GRID2: variants seen among roughly 807,000 people sequenced by gnomAD.
The protein encoded by GRID2 is glutamate ionotropic receptor delta type subunit 2.
Under a neutral mutation model 114.8 loss-of-function variants are expected in GRID2, and 33 were observed. That is an observed-to-expected ratio of 0.29 (90% confidence interval 0.22 to 0.38). GRID2 has a LOEUF of 0.38. Ranked by LOEUF, GRID2 falls within the 10% of genes least tolerant of loss-of-function variation. The pLI, the probability that GRID2 is intolerant of heterozygous loss-of-function variation, is 1.00. For synonymous variants in GRID2, 505 were observed against 449.9 expected, an observed-to-expected ratio of 1.12 and a Z score of -1.55; for missense variants, 1,184 against 1,257.7, an observed-to-expected ratio of 0.94 and a Z score of 0.89.
intron 2 of GRID2, among the ~76,000 whole-genome samples, chr4:93,024,778 G>C (rs57982953): frequency 0.082 from 12,373 of 151,650 alleles, 728 homozygotes; most frequent in African/African-American, 0.16. Context: ...CTAATGCTCA[G>C]CCTCCCACTT....
At chr4:93,160,674 CTT>C (rs894927102) in intron 4 of GRID2, among the ~76,000 whole-genome samples, 8 of 151,742 alleles carry the variant, frequency 5.3e-5, no homozygotes, top group African/African-American at 1.9e-4. Context: ...TGTTAGCCCT[CTT>C]TAATGGGATA....
intron 2 of GRID2, among the ~76,000 whole-genome samples, chr4:92,704,122 C>CA (rs1287772823): frequency 1.3e-5 from 2 of 152,046 alleles, no homozygotes; most frequent in Non-Finnish European, 1.5e-5. Flanking sequence ...TTAAAAAATA[C>CA]AAAAAATTAG....
intron 1 of GRID2, among the ~76,000 whole-genome samples, chr4:92,579,019 A>G (rs1178251992): frequency 6.6e-6 from 1 of 152,102 alleles, no homozygotes; most frequent in Non-Finnish European, 1.5e-5. Flanking sequence ...AAACAACAAT[A>G]TTTTTTGAGT....
chr4:93,710,876 A>G (rs868260716), intron 14 of GRID2, among the ~76,000 whole-genome samples: 20 of 152,190 alleles, frequency 1.3e-4, no homozygotes, highest in Middle Eastern at 3.4e-3. Flanking sequence ...CCCCAGGCCC[A>G]TGGTGAGTAC....
intron 1 of GRID2, among the ~76,000 whole-genome samples, chr4:92,443,165 G>A (rs1330965253): frequency 6.6e-6 from 1 of 151,996 alleles, no homozygotes; most frequent in Non-Finnish European, 1.5e-5. Flanking sequence ...GACTAGGAAG[G>A]GACTGATGTG....
intron 1 of GRID2, 72 bp downstream of exon 1, chr4:92,304,816 C>G (rs1300241696): frequency 9.2e-7 from 1 of 1,083,938 alleles, no homozygotes; most frequent in East Asian, 2.4e-5. Context: ...CTTCGCTTTC[C>G]CCCTCTCCGG....
Position 93,213,092 on chromosome 4 carries a change from T to C in GRID2, c.790-3646T>C, listed in dbSNP as rs527831863. Among the ~76,000 whole-genome samples, 6 of 152,166 alleles carry C rather than the reference T, an allele frequency of 3.9e-5. No homozygotes were observed. In the South Asian group the frequency reaches 8.3e-4, roughly 21 times the overall value. On this transcript the variant is annotated intron_variant, in intron 5 of 15. Coordinates refer to ENST00000282020, the MANE Select transcript of GRID2 (RefSeq NM_001510.4). ...CTGGCCAGTTTGGGGGGTTTTGTTG[T>C]TGTTTTGAGATTTAAAAAGCCTATA...
At chr4:93,405,662 T>A (rs1766338746) in intron 9 of GRID2, among the ~76,000 whole-genome samples, 1 of 152,158 alleles carries the variant, frequency 6.6e-6, no homozygotes, top group Admixed American at 6.6e-5. Flanking sequence ...GTTAGAACAT[T>A]TCACAATATT....
intron 9 of GRID2, among the ~76,000 whole-genome samples, chr4:93,403,550 T>A (rs1229315017): frequency 6.6e-6 from 1 of 151,892 alleles, no homozygotes; most frequent in Non-Finnish European, 1.5e-5. Flanking sequence ...TTAAAAAAAA[T>A]TAAAATGGGC....
At chr4:93,539,713 G>A (rs918363684) in intron 13 of GRID2, among the ~76,000 whole-genome samples, 1 of 151,990 alleles carries the variant, frequency 6.6e-6, no homozygotes, top group Admixed American at 6.6e-5. Context: ...TATTGGTTGG[G>A]AGAATCCTTT....
chr4:92,622,510 G>A (rs1579704782), intron 2 of GRID2, among the ~76,000 whole-genome samples: 1 of 151,692 alleles, frequency 6.6e-6, no homozygotes, highest in Admixed American at 6.6e-5. Context: ...GGAAAATTAA[G>A]TGGTTTAACA....
At position 92,431,924 on chromosome 4, in the gene GRID2, G is replaced by T. The variant is rs572909105; in HGVS notation, c.88+127180G>T. Among the ~76,000 whole-genome samples the T allele has an allele frequency of 2.0e-5, 3 of 152,342 alleles. No individual in the cohort carries two copies. In the East Asian group the frequency reaches 5.8e-4, roughly 29 times the overall value. On this transcript the variant is annotated intron_variant, in intron 1 of 15. Coordinates refer to ENST00000282020, the MANE Select transcript of GRID2 (RefSeq NM_001510.4). ...ATTGCATGTTATAATCTAAGTCTTT[G>T]GTCATCACTGTAATTGTGTCTGCAT...
intron 2 of GRID2, among the ~76,000 whole-genome samples, chr4:92,917,765 G>C (rs1240353472): frequency 6.6e-6 from 1 of 152,156 alleles, no homozygotes; most frequent in East Asian, 1.9e-4. Context: ...TTGTAGTATA[G>C]TTTGAAGTCA....
intron 1 of GRID2, among the ~76,000 whole-genome samples, chr4:92,467,092 AAC>A (rs1188689886): frequency 6.6e-6 from 1 of 151,764 alleles, no homozygotes; most frequent in Non-Finnish European, 1.5e-5. Flanking sequence ...TTTTTAGAAA[AAC>A]ACAAATCCTA....
At chr4:92,641,700 T>C (rs1461915548) in intron 2 of GRID2, among the ~76,000 whole-genome samples, 2 of 151,544 alleles carry the variant, frequency 1.3e-5, no homozygotes, top group African/African-American at 4.8e-5. Flanking sequence ...ATACAGGGGG[T>C]ACATGTGCAG....
At chr4:93,048,861 A>G (rs1251164870) in intron 2 of GRID2, among the ~76,000 whole-genome samples, 1 of 152,086 alleles carries the variant, frequency 6.6e-6, no homozygotes, top group Non-Finnish European at 1.5e-5. Flanking sequence ...AATATAGTTA[A>G]GAATGTAATA....
intron 2 of GRID2, among the ~76,000 whole-genome samples, chr4:92,744,138 T>G (rs902565790): frequency 6.6e-6 from 1 of 152,082 alleles, no homozygotes; most frequent in African/African-American, 2.4e-5. Flanking sequence ...GTATTTCCAG[T>G]CTGCATGAGA....
chr4:93,713,656 A>C (rs1728673013), intron 14 of GRID2, among the ~76,000 whole-genome samples: 1 of 152,134 alleles, frequency 6.6e-6, no homozygotes, highest in African/African-American at 2.4e-5. Context: ...AGTGACAAGC[A>C]GGGTGCTTTT....
At chr4:92,642,948 T>C (rs80094230) in intron 2 of GRID2, among the ~76,000 whole-genome samples, 2,071 of 151,874 alleles carry the variant, frequency 0.014, 51 homozygotes, top group African/African-American at 0.047. Flanking sequence ...CTTATTCTGA[T>C]CTATTGATCT....
Sources: gnomAD v4.1 joint callset for allele counts (sites outside exome capture counted in the v4.1 genomes callset) on GRCh38, gnomAD v4.1.1 for gene constraint, MANE v1.5 for transcripts, NCBI Gene and HGNC (gene_info 2026-07-23, HGNC 2026-07-21) for gene names.